Variants in BABAM2 observed in about 807,000 individuals in gnomAD.
The protein encoded by BABAM2 is BRISC and BRCA1 A complex member 2, also known as BRISC and BRCA1-A complex member 2.
BABAM2 carries 31 observed loss-of-function variants against 54.7 expected under a neutral mutation model. The ratio of observed to expected loss-of-function variants is 0.57; its 90% CI spans 0.43 to 0.77. BABAM2 has a LOEUF of 0.77. Among genes scored for constraint, BABAM2 ranks in the 30% least tolerant of loss-of-function variants. BABAM2 has a pLI of 0.00. For missense variants in BABAM2, 364 were observed against 455.8 expected, an observed-to-expected ratio of 0.80 and a Z score of 1.83; for synonymous variants, 167 against 162.9, an observed-to-expected ratio of 1.03 and a Z score of -0.19.
chr2:27,918,296 A>G (rs939928637), intron 2 of BABAM2, among the ~76,000 whole-genome samples: 4 of 152,112 alleles, frequency 2.6e-5, no homozygotes, highest in African/African-American at 9.7e-5. Flanking sequence ...TGTGAATTTG[A>G]CTACTTTAGA....
intron 7 of BABAM2, among the ~76,000 whole-genome samples, chr2:28,161,712 G>GACA (rs1229231409): frequency 6.6e-6 from 1 of 151,924 alleles, no homozygotes; most frequent in Non-Finnish European, 1.5e-5. Context: ...GTCCTTTTTG[G>GACA]CTCTTGTTCC....
intron 5 of BABAM2, among the ~76,000 whole-genome samples, chr2:28,036,690 C>T (rs531178978): frequency 6.6e-6 from 1 of 152,154 alleles, no homozygotes; most frequent in African/African-American, 2.4e-5. Context: ...GGAACTGAGG[C>T]CATGCTATGT....
chr2:28,108,990 GAAATCAAGAGTTAC>G (rs1667759279), intron 6 of BABAM2, among the ~76,000 whole-genome samples: 1 of 151,988 alleles, frequency 6.6e-6, no homozygotes, highest in African/African-American at 2.4e-5. Context: ...TTTTGGTGTT[GAAATCAAGAGTTAC>G]AAACTTTACT....
At chr2:28,230,489 C>G (rs1030191460) in intron 7 of BABAM2, among the ~76,000 whole-genome samples, 4 of 151,072 alleles carry the variant, frequency 2.6e-5, no homozygotes, top group African/African-American at 9.8e-5. Flanking sequence ...GCCAAGGCAG[C>G]AGATCACTTG....
At chr2:28,065,174 C>T (rs1679211861) in intron 6 of BABAM2, among the ~76,000 whole-genome samples, 1 of 152,144 alleles carries the variant, frequency 6.6e-6, no homozygotes, top group Admixed American at 6.5e-5. Flanking sequence ...ATCTACAAAG[C>T]AAGAATCCTG....
intron 3 of BABAM2, among the ~76,000 whole-genome samples, chr2:27,958,648 A>G (rs1318954559): frequency 6.6e-6 from 1 of 151,952 alleles, no homozygotes; most frequent in East Asian, 1.9e-4. Flanking sequence ...AAGAGGTAGA[A>G]GGTCTACAAA....
intron 3 of BABAM2, among the ~76,000 whole-genome samples, chr2:27,938,111 C>T (rs1668618582): frequency 6.6e-6 from 1 of 152,148 alleles, no homozygotes; most frequent in Non-Finnish European, 1.5e-5. Context: ...AATCAGTTAG[C>T]TGTAGAAGCG....
intron 7 of BABAM2, among the ~76,000 whole-genome samples, chr2:28,174,799 A>G (rs1272570669): frequency 6.6e-6 from 1 of 152,144 alleles, no homozygotes; most frequent in African/African-American, 2.4e-5. Context: ...TTGAGAGCCC[A>G]GCCCTCACCA....
At chr2:28,249,291 G>A (rs942561643) in intron 10 of BABAM2, among the ~76,000 whole-genome samples, 3 of 151,898 alleles carry the variant, frequency 2.0e-5, no homozygotes, top group Admixed American at 2.0e-4. Flanking sequence ...GTTTCACCAC[G>A]TTACCCAGGC....
intron 7 of BABAM2, among the ~76,000 whole-genome samples, chr2:28,184,805 C>A (rs1676106756): frequency 6.6e-6 from 1 of 152,136 alleles, no homozygotes; most frequent in African/African-American, 2.4e-5. Context: ...GTCTTTATAG[C>A]AGCATGATTT....
chr2:27,900,542 G>C (rs112116244), intron 2 of BABAM2, among the ~76,000 whole-genome samples: 1 of 151,970 alleles, frequency 6.6e-6, no homozygotes, highest in African/African-American at 2.4e-5. Context: ...ATCTATCTTC[G>C]TACTTTTCAC....
At chr2:28,020,795 T>A (rs1675186120) in intron 4 of BABAM2, among the ~76,000 whole-genome samples, 1 of 152,156 alleles carries the variant, frequency 6.6e-6, no homozygotes, top group Non-Finnish European at 1.5e-5. Context: ...GTATTTAGAT[T>A]GTTTGCAGTT....
intron 7 of BABAM2, among the ~76,000 whole-genome samples, chr2:28,235,328 C>A (rs560015655): frequency 6.6e-6 from 1 of 152,068 alleles, no homozygotes; most frequent in Non-Finnish European, 1.5e-5. Context: ...AGGCGCATGC[C>A]ACCACGCCCA....
chr2:28,270,360 T>C (rs1369452685), intron 10 of BABAM2, among the ~76,000 whole-genome samples: 1 of 152,128 alleles, frequency 6.6e-6, no homozygotes, highest in East Asian at 1.9e-4. Flanking sequence ...GCTTCAAGCA[T>C]TCATCCTGCC....
chr2:27,978,876 A>G (rs1671792766), intron 3 of BABAM2, among the ~76,000 whole-genome samples: 1 of 152,140 alleles, frequency 6.6e-6, no homozygotes, highest in Non-Finnish European at 1.5e-5. Context: ...TTCCACTTAC[A>G]AGTGAGAACA....
intron 7 of BABAM2, among the ~76,000 whole-genome samples, chr2:28,149,012 A>G (rs1297425835): frequency 6.6e-6 from 1 of 152,214 alleles, no homozygotes; most frequent in African/African-American, 2.4e-5. Flanking sequence ...CCCATGATCT[A>G]GGTTCCTTAT....
rs113267405 is a variant in BABAM2, at chr2:28,201,066, C to T, written c.681-36136C>T. ...GTTTACAGGCATGAGCCACCATGCCCGGCCTCTGTGAGTTTTTTAATGGGG... is the reference window on the plus strand; with the variant it reads ...GTTTACAGGCATGAGCCACCATGCCTGGCCTCTGTGAGTTTTTTAATGGGG... On this transcript the variant is annotated intron_variant, in intron 7 of 11. Coordinates refer to ENST00000379624, the MANE Select transcript of BABAM2 (RefSeq NM_199191.3). 5.1e-3 allele frequency among the ~76,000 whole-genome samples: 773 copies of T among 152,256 alleles called. 9 individuals are homozygous for T. Among genetic ancestry groups the T allele is most frequent in the African/African-American group, 0.017 (722 of 41,554 alleles).
At chr2:27,973,088 C>G (rs1671344160) in intron 3 of BABAM2, among the ~76,000 whole-genome samples, 1 of 151,882 alleles carries the variant, frequency 6.6e-6, no homozygotes, top group Non-Finnish European at 1.5e-5. Context: ...GCTTTAATTA[C>G]CAGTTCTCGG....
At chr2:28,058,060 C>T (rs529332047) in intron 6 of BABAM2, among the ~76,000 whole-genome samples, 6 of 151,852 alleles carry the variant, frequency 4.0e-5, no homozygotes, top group African/African-American at 1.2e-4. Context: ...AGGAGAATGG[C>T]GTGAACCTGG....
Sources: gnomAD v4.1 joint callset for allele counts (sites outside exome capture counted in the v4.1 genomes callset) on GRCh38, gnomAD v4.1.1 for gene constraint, MANE v1.5 for transcripts, NCBI Gene and HGNC (gene_info 2026-07-23, HGNC 2026-07-21) for gene names.